The following ADCK1 variants were observed in gnomAD, a reference collection of about 807,000 sequenced individuals.
ADCK1 encodes aarF domain-containing protein kinase 1.
ADCK1 carries 41 observed loss-of-function variants against 52.3 expected under a neutral mutation model. That is an observed-to-expected ratio of 0.78 (90% CI 0.61 to 1.02). The LOEUF is 1.02. Ranked by LOEUF, ADCK1 falls within the 50% of genes least tolerant of loss-of-function variation. The pLI, the probability that ADCK1 is intolerant of heterozygous loss-of-function variation, is 0.00. For synonymous variants in ADCK1, 250 were observed against 274.6 expected, an observed-to-expected ratio of 0.91 and a Z score of 0.89; for missense variants, 658 against 679.5, an observed-to-expected ratio of 0.97 and a Z score of 0.35.
At chr14:77,882,058 G>A (rs1042544472) in intron 4 of ADCK1, among the ~76,000 whole-genome samples, 1 of 152,128 alleles carries the variant, frequency 6.6e-6, no homozygotes, top group Admixed American at 6.5e-5. Flanking sequence ...TGTTGGAGAG[G>A]TGGTGGTGGG....
chr14:77,880,477 G>A (rs945329361), intron 4 of ADCK1, among the ~76,000 whole-genome samples: 1 of 152,232 alleles, frequency 6.6e-6, no homozygotes, highest in Non-Finnish European at 1.5e-5. Flanking sequence ...TGGAAGACAA[G>A]GTCGGCGTGT....
intron 1 of ADCK1, among the ~76,000 whole-genome samples, chr14:77,810,037 C>CAAA (rs558244331): frequency 1.4e-4 from 15 of 107,848 alleles, no homozygotes; most frequent in Admixed American, 2.8e-4. Context: ...GACTCTGTCT[C>CAAA]AAAAAAAAAA....
At chr14:77,864,306 A>T (rs776628967) in intron 4 of ADCK1, among the ~76,000 whole-genome samples, 11 of 152,206 alleles carry the variant, frequency 7.2e-5, no homozygotes, top group Non-Finnish European at 2.9e-5. Context: ...GTTTAAGCAA[A>T]TGTTCAGAAA....
chr14:77,805,842 GAT>G (rs1447524013), intron 1 of ADCK1, among the ~76,000 whole-genome samples: 2 of 152,034 alleles, frequency 1.3e-5, no homozygotes, highest in Non-Finnish European at 2.9e-5. Context: ...CTACAATAGT[GAT>G]GTTTATATAT....
intron 4 of ADCK1, among the ~76,000 whole-genome samples, chr14:77,880,634 T>C (rs867300980): frequency 1.3e-5 from 2 of 152,168 alleles, no homozygotes; most frequent in African/African-American, 2.4e-5. Flanking sequence ...AGAGAGACAC[T>C]TGATGCCTGT....
intron 9 of ADCK1, among the ~76,000 whole-genome samples, chr14:77,927,350 T>C (rs2084221716): frequency 6.6e-6 from 1 of 152,226 alleles, no homozygotes; most frequent in Admixed American, 6.5e-5. Flanking sequence ...TTTTCCTCTT[T>C]TGTAAAATAG....
intron 3 of ADCK1, among the ~76,000 whole-genome samples, chr14:77,822,759 G>A (rs1372397324): frequency 6.6e-6 from 1 of 152,186 alleles, no homozygotes; most frequent in Non-Finnish European, 1.5e-5. Context: ...ATTGGCCACT[G>A]AGGGTTTGGA....
intron 3 of ADCK1, among the ~76,000 whole-genome samples, chr14:77,825,506 C>G (rs1184758508): frequency 6.6e-6 from 1 of 152,172 alleles, no homozygotes; most frequent in Non-Finnish European, 1.5e-5. Context: ...AGTCAGATGT[C>G]TCCTACAAGG....
rs966703742 is a variant in ADCK1, at chr14:77,838,210, CTT to C, written c.219+15695_219+15696del. Among the ~76,000 whole-genome samples, 6 of 152,284 alleles carry C rather than the reference CTT, an allele frequency of 3.9e-5. No individual in the cohort carries two copies. In the East Asian group the frequency reaches 5.8e-4, roughly 15 times the overall value. On this transcript the variant is annotated intron_variant, in intron 3 of 10. Transcript: ENST00000238561. ...TGTTACAGCAAGACTTTTTAATAGACTTTTCCCTGTAGAACCGTGAGACATAT... is the reference window on the plus strand; with the variant it reads ...TGTTACAGCAAGACTTTTTAATAGACTTCCCTGTAGAACCGTGAGACATAT...
At chr14:77,821,321 C>G (rs1275888152) in intron 2 of ADCK1, among the ~76,000 whole-genome samples, 1 of 152,176 alleles carries the variant, frequency 6.6e-6, no homozygotes, top group African/African-American at 2.4e-5. Context: ...TCTGGATTGT[C>G]TTTGAACACT....
intron 4 of ADCK1, among the ~76,000 whole-genome samples, chr14:77,859,899 G>A (rs568699684): frequency 7.4e-4 from 113 of 152,246 alleles, no homozygotes; most frequent in African/African-American, 2.6e-3. Context: ...GTTTCCCTAC[G>A]CTCTGGTCCC....
Position 77,800,180 on chromosome 14 carries a change from G to C in ADCK1, c.-12+10G>C, listed in dbSNP as rs913908750. 1 of 152,358 alleles carries C rather than the reference G, an allele frequency of 6.6e-6. No homozygotes were observed. The highest frequency in any genetic ancestry group is 1.5e-5 in the Non-Finnish European group (1 of 68,136). The allele number at this position is 152,358 out of a possible 1,614,324, so 9.4% of individuals were successfully genotyped here. A position where few individuals can be genotyped will look rare whatever the true frequency, so the allele number is the denominator to read the frequency against. ...CTCTGCTTCCCTCGGGGTGAGTAGG[G>C]GCAGCTCGCCGGAGGCCGGCGCAGA... On this transcript the variant is annotated intron_variant, in intron 1 of 10. Coordinates refer to ENST00000238561, the MANE Select transcript of ADCK1 (RefSeq NM_020421.4).
chr14:77,872,817 G>A (rs575317814), intron 4 of ADCK1, among the ~76,000 whole-genome samples: 1 of 152,118 alleles, frequency 6.6e-6, no homozygotes, highest in Admixed American at 6.5e-5. Context: ...TGGGATTACA[G>A]GCATCCGCCA....
chr14:77,917,387 C>T (rs2083949379), intron 7 of ADCK1, among the ~76,000 whole-genome samples: 1 of 152,134 alleles, frequency 6.6e-6, no homozygotes, highest in South Asian at 2.1e-4. Context: ...GTAACACCAA[C>T]CCCGTTTCCT....
intron 3 of ADCK1, among the ~76,000 whole-genome samples, chr14:77,834,710 C>T (rs1177896430): frequency 6.6e-6 from 1 of 152,248 alleles, no homozygotes; most frequent in Non-Finnish European, 1.5e-5. Flanking sequence ...GCAGCTCCCT[C>T]ACCTATGTGG....
intron 4 of ADCK1, among the ~76,000 whole-genome samples, chr14:77,884,561 A>G (rs1421154167): frequency 6.6e-6 from 1 of 152,148 alleles, no homozygotes; most frequent in African/African-American, 2.4e-5. Flanking sequence ...TGTGTGGCAG[A>G]TAACTGAAAC....
At chr14:77,854,106 T>A (rs912022825) in intron 3 of ADCK1, among the ~76,000 whole-genome samples, 1 of 152,246 alleles carries the variant, frequency 6.6e-6, no homozygotes, top group Non-Finnish European at 1.5e-5. Flanking sequence ...TTTTAGCTCC[T>A]GTTTTGGAAG....
Position 77,931,968 on chromosome 14 carries a change from C to T in ADCK1, c.1400+257C>T, listed in dbSNP as rs77649233. Among the ~76,000 whole-genome samples the T allele has an allele frequency of 0.028, 4,189 of 152,326 alleles. 78 individuals carry two copies. Among genetic ancestry groups the T allele is most frequent in the African/African-American group, 0.044 (1,833 of 41,570 alleles). ...TTGGTCCTGGGACTTGTCAGCCAGG[C>T]CAGTGCTCTTTGTCCTATAGATGAG... On this transcript the variant is annotated intron_variant, in intron 10 of 10. Coordinates refer to ENST00000238561, the MANE Select transcript of ADCK1 (RefSeq NM_020421.4).
Position 77,807,923 on chromosome 14 carries a change from A to G in ADCK1, c.-12+7753A>G, listed in dbSNP as rs374173914. Among the ~76,000 whole-genome samples, 125 of 152,294 alleles carry G rather than the reference A, an allele frequency of 8.2e-4. 4 individuals carry two copies. The highest frequency in any genetic ancestry group is 3.4e-3 in the Middle Eastern group (1 of 294). ...CTCTCAAAGTGCTGGGATTACAGGC[A>G]TGAGCCACCACTCCTGGCCTGAGAG... On this transcript the variant is annotated intron_variant, in intron 1 of 10. Coordinates refer to ENST00000238561, the MANE Select transcript of ADCK1 (RefSeq NM_020421.4).
Sources: allele counts gnomAD v4.1 joint callset (sites outside exome capture counted in the v4.1 genomes callset), GRCh38; gene constraint gnomAD v4.1.1; transcripts MANE v1.5; gene names NCBI Gene and HGNC (gene_info 2026-07-23, HGNC 2026-07-21).